Variants in DGKB observed in about 807,000 individuals in gnomAD.
DGKB encodes the protein 90 kDa diacylglycerol kinase.
A neutral mutation model predicts 114.3 loss-of-function variants in DGKB; 67 were observed. The observed-to-expected ratio is 0.59, with a 90% CI of 0.48 to 0.72. The LOEUF is 0.72. Ranked by LOEUF, DGKB falls within the 30% of genes least tolerant of loss-of-function variation. The pLI is 0.00. For missense variants in DGKB, 907 were observed against 975.2 expected (o/e 0.93, Z 0.93); for synonymous variants, 398 against 323.1 (o/e 1.23, Z -2.49).
intron 21 of DGKB, among the ~76,000 whole-genome samples, chr7:14,398,915 C>G (rs547303218): frequency 6.6e-6 from 1 of 151,978 alleles, no homozygotes. Flanking sequence ...TAGGAAAGAT[C>G]TAGGGGCTGC....
chr7:14,218,442 G>T (rs1390242861), intron 23 of DGKB, among the ~76,000 whole-genome samples: 2 of 152,056 alleles, frequency 1.3e-5, no homozygotes, highest in Admixed American at 6.6e-5. Flanking sequence ...AAAAACTAGT[G>T]AAAACCACAA....
chr7:14,703,525 T>G (rs1300346989), intron 6 of DGKB, among the ~76,000 whole-genome samples: 2 of 152,198 alleles, frequency 1.3e-5, no homozygotes, highest in Non-Finnish European at 2.9e-5. Flanking sequence ...GACTTGAAGC[T>G]AGACTGTGTG....
chr7:14,856,943 C>T (rs754853643), intron 1 of DGKB, among the ~76,000 whole-genome samples: 44 of 152,088 alleles, frequency 2.9e-4, no homozygotes, highest in Non-Finnish European at 5.0e-4. Flanking sequence ...CACCCCTAAC[C>T]TCAGCTCCCC....
intron 23 of DGKB, among the ~76,000 whole-genome samples, chr7:14,300,366 T>G (rs1292692112): frequency 2.0e-5 from 3 of 152,086 alleles, no homozygotes; most frequent in Admixed American, 6.6e-5. Context: ...ATAAATACCG[T>G]GTACTAATCA....
chr7:14,902,188 G>C (rs993042901), intron 1 of DGKB, among the ~76,000 whole-genome samples: 5 of 152,084 alleles, frequency 3.3e-5, no homozygotes, highest in African/African-American at 1.2e-4. Context: ...AATAAATCTG[G>C]ACTGGAACTT....
intron 1 of DGKB, among the ~76,000 whole-genome samples, chr7:14,854,129 C>T (rs1463020246): frequency 1.3e-5 from 2 of 152,112 alleles, no homozygotes; most frequent in African/African-American, 2.4e-5. Flanking sequence ...TTATATTACC[C>T]ATAGGATTAT....
At chr7:14,720,314 T>G (rs1196252889) in intron 5 of DGKB, among the ~76,000 whole-genome samples, 1 of 152,022 alleles carries the variant, frequency 6.6e-6, no homozygotes, top group East Asian at 1.9e-4. Flanking sequence ...ATTTTTTTTA[T>G]TTTTTTGAGA....
intron 20 of DGKB, among the ~76,000 whole-genome samples, chr7:14,564,464 A>G (rs1563524377): frequency 1.3e-5 from 2 of 152,164 alleles, no homozygotes; most frequent in East Asian, 1.9e-4. Context: ...CATTTCAAAG[A>G]TTTTCAGATT....
At chr7:14,651,145 G>A (rs905337065) in intron 13 of DGKB, among the ~76,000 whole-genome samples, 217 of 152,152 alleles carry the variant, frequency 1.4e-3, no homozygotes, top group African/African-American at 4.7e-3. Context: ...TAACTCATTT[G>A]ATGAGGCCAG....
chr7:14,742,820 T>C (rs1832759175), intron 4 of DGKB, among the ~76,000 whole-genome samples: 2 of 152,142 alleles, frequency 1.3e-5, no homozygotes, highest in Non-Finnish European at 2.9e-5. Context: ...AAGAGTAAAA[T>C]GTGTTTTCAG....
At chr7:14,790,393 T>C (rs1268886113) in intron 2 of DGKB, among the ~76,000 whole-genome samples, 2 of 152,214 alleles carry the variant, frequency 1.3e-5, no homozygotes, top group African/African-American at 2.4e-5. Flanking sequence ...TTTTCTTTTA[T>C]GTTACATTTT....
chr7:14,956,743 T>C (rs1300308975), intron 1 of DGKB, among the ~76,000 whole-genome samples: 1 of 151,950 alleles, frequency 6.6e-6, no homozygotes, highest in Non-Finnish European at 1.5e-5. Flanking sequence ...GAAGATAATA[T>C]AACCATGAGT....
intron 7 of DGKB, among the ~76,000 whole-genome samples, chr7:14,700,454 C>T (rs930028196): frequency 5.3e-5 from 8 of 152,092 alleles, no homozygotes; most frequent in African/African-American, 1.2e-4. Flanking sequence ...TTCAGGTGAT[C>T]GCCTGCCCGT....
chr7:14,531,867 T>A (rs1278014899), intron 20 of DGKB, among the ~76,000 whole-genome samples: 1 of 151,146 alleles, frequency 6.6e-6, no homozygotes, highest in East Asian at 1.9e-4. Flanking sequence ...GAAAAAATAC[T>A]CAATATTTAT....
At chr7:14,326,206 A>G (rs1055506239) in intron 23 of DGKB, among the ~76,000 whole-genome samples, 3 of 152,108 alleles carry the variant, frequency 2.0e-5, no homozygotes, top group African/African-American at 7.2e-5. Flanking sequence ...AGCAGCTGCT[A>G]AGTGGAAAAG....
intron 1 of DGKB, among the ~76,000 whole-genome samples, chr7:14,927,818 A>C (rs1784822811): frequency 6.6e-6 from 1 of 151,928 alleles, no homozygotes; most frequent in Admixed American, 6.6e-5. Flanking sequence ...GCTGACTTAC[A>C]TTTTGCATCT....
At chr7:14,295,611 T>C (rs1249443195) in intron 23 of DGKB, among the ~76,000 whole-genome samples, 1 of 152,100 alleles carries the variant, frequency 6.6e-6, no homozygotes, top group Non-Finnish European at 1.5e-5. Context: ...TTATTTTCAA[T>C]ACAACTATCT....
chr7:14,414,475 G>C (rs1431097074), intron 21 of DGKB, among the ~76,000 whole-genome samples: 1 of 152,090 alleles, frequency 6.6e-6, no homozygotes, highest in Non-Finnish European at 1.5e-5. Context: ...CACCGGGTTT[G>C]GTTTTGTCTG....
At chr7:14,748,360 T>G (rs1383027034) in intron 4 of DGKB, among the ~76,000 whole-genome samples, 1 of 152,366 alleles carries the variant, frequency 6.6e-6, no homozygotes, top group East Asian at 1.9e-4. Context: ...TGCAGTTTTT[T>G]AAATCCAATT....
Sources: allele counts gnomAD v4.1 joint callset (sites outside exome capture counted in the v4.1 genomes callset), GRCh38; gene constraint gnomAD v4.1.1; transcripts MANE v1.5; gene names NCBI Gene and HGNC (gene_info 2026-07-23, HGNC 2026-07-21).